The following NLGN1 variants were observed in gnomAD, a reference collection of about 807,000 sequenced individuals.
The protein encoded by NLGN1 is neuroligin-1.
In NLGN1, 12 loss-of-function variants were observed where a neutral mutation model predicts 65.5. That is an observed-to-expected ratio of 0.18 (90% confidence interval 0.12 to 0.30). The LOEUF (loss-of-function observed/expected upper bound fraction) is 0.30. Ranked by LOEUF, NLGN1 falls within the 10% of genes least tolerant of loss-of-function variation. NLGN1 has a pLI of 1.00. For missense variants in NLGN1, 750 were observed against 1,007.1 expected, an observed-to-expected ratio of 0.74 and a Z score of 3.46; for synonymous variants, 350 against 359.5, an observed-to-expected ratio of 0.97 and a Z score of 0.30.
At chr3:174,136,334 T>A (rs1488420855) in intron 4 of NLGN1, 1 of 152,118 alleles carries the variant, frequency 6.6e-6, no homozygotes, top group East Asian at 1.9e-4. Context: ...AATAAATACT[T>A]CAGCCTGTTT....
chr3:173,784,920 AC>A (rs1461963895), intron 3 of NLGN1, among the ~76,000 whole-genome samples: 1 of 152,232 alleles, frequency 6.6e-6, no homozygotes, highest in African/African-American at 2.4e-5. Flanking sequence ...TACACAGAAA[AC>A]AAAGTGAATG....
chr3:173,630,243 A>G (rs562930706), intron 3 of NLGN1, among the ~76,000 whole-genome samples: 1 of 152,284 alleles, frequency 6.6e-6, no homozygotes, highest in African/African-American at 2.4e-5. Context: ...AAGGGACAGA[A>G]TTAATATTTC....
intron 1 of NLGN1, among the ~76,000 whole-genome samples, chr3:173,407,382 A>G (rs1337557719): frequency 6.6e-6 from 1 of 152,138 alleles, no homozygotes; most frequent in Non-Finnish European, 1.5e-5. Flanking sequence ...CAGAGGAAAA[A>G]AATGATTTGC....
chr3:173,595,127 G>T (rs1749234030), intron 2 of NLGN1, among the ~76,000 whole-genome samples: 1 of 152,180 alleles, frequency 6.6e-6, no homozygotes, highest in Non-Finnish European at 1.5e-5. Flanking sequence ...TCTGCAGCTG[G>T]CTTGAATTTC....
chr3:174,158,096 T>C (rs1725793529), intron 4 of NLGN1, among the ~76,000 whole-genome samples: 1 of 151,792 alleles, frequency 6.6e-6, no homozygotes, highest in Non-Finnish European at 1.5e-5. Context: ...TAAATGACTT[T>C]AAGATCGGAC....
chr3:174,231,263 A>C (rs1385485242), intron 4 of NLGN1, among the ~76,000 whole-genome samples: 4 of 152,232 alleles, frequency 2.6e-5, no homozygotes, highest in African/African-American at 9.6e-5. Context: ...AGAGTCCCAG[A>C]AGCACAGGAA....
chr3:173,980,279 G>T (rs1560770286), intron 4 of NLGN1, among the ~76,000 whole-genome samples: 2 of 151,688 alleles, frequency 1.3e-5, no homozygotes, highest in African/African-American at 2.4e-5. Flanking sequence ...TTCTTTTTAA[G>T]TTTACTTCAT....
Position 173,502,099 on chromosome 3 carries a change from T to A in NLGN1, c.-321+67021T>A, listed in dbSNP as rs116551360. Among the ~76,000 whole-genome samples the A allele has an allele frequency of 9.0e-3, 1,375 of 152,216 alleles. 24 individuals are homozygous for A. Among genetic ancestry groups the A allele is most frequent in the African/African-American group, 0.032 (1,325 of 41,540 alleles). ...CTGTATGTTAAGTCACACTGTAATA[T>A]TTTTTTCCACAAATATTTTTACAAG... On this transcript the variant is annotated intron_variant, in intron 2 of 6. Transcript: ENST00000457714.
chr3:173,949,693 A>C lies in NLGN1; in HGVS notation c.646+141861A>C, dbSNP rs146880473. 5.5e-3 allele frequency among the ~76,000 whole-genome samples: 840 copies of C among 152,300 alleles called. 12 individuals are homozygous for C. The highest frequency in any genetic ancestry group is 0.019 in the African/African-American group (801 of 41,574). ...AGTATCTGTATAATATTATGTCAGA[A>C]AGTGAAACATGACACTGTCGTAATT... On this transcript the variant is annotated intron_variant, in intron 4 of 6. Coordinates refer to ENST00000457714, the Ensembl canonical transcript of NLGN1.
intron 4 of NLGN1, among the ~76,000 whole-genome samples, chr3:174,210,290 GT>G (rs1736216366): frequency 6.6e-6 from 1 of 152,120 alleles, no homozygotes; most frequent in Non-Finnish European, 1.5e-5. Flanking sequence ...CAGTGTATTT[GT>G]GTCTCCCCAT....
At chr3:174,237,450 G>A (rs73168498) in intron 4 of NLGN1, among the ~76,000 whole-genome samples, 2,100 of 152,284 alleles carry the variant, frequency 0.014, 23 homozygotes, top group Middle Eastern at 0.034. Flanking sequence ...TCAGTCAGCT[G>A]CAATTCACCT....
At chr3:173,693,599 A>G (rs1484318423) in intron 3 of NLGN1, among the ~76,000 whole-genome samples, 1 of 152,068 alleles carries the variant, frequency 6.6e-6, no homozygotes, top group African/African-American at 2.4e-5. Context: ...TTATATTGGC[A>G]TTCACTCTCC....
chr3:174,215,341 A>G (rs376147216), intron 4 of NLGN1, among the ~76,000 whole-genome samples: 131 of 152,344 alleles, frequency 8.6e-4, no homozygotes, highest in African/African-American at 3.1e-3. Context: ...TTGAGCACAC[A>G]GAGTGCCACT....
intron 3 of NLGN1, among the ~76,000 whole-genome samples, chr3:173,764,780 A>G (rs1778502576): frequency 6.6e-6 from 1 of 152,178 alleles, no homozygotes; most frequent in Admixed American, 6.5e-5. Flanking sequence ...AAACATAAAT[A>G]TAGAGCTCTC....
chr3:174,234,810 T>C (rs1387970946), intron 4 of NLGN1, among the ~76,000 whole-genome samples: 2 of 152,108 alleles, frequency 1.3e-5, no homozygotes, highest in Non-Finnish European at 2.9e-5. Context: ...CATTCAGTTA[T>C]GCTTTTAGCA....
intron 3 of NLGN1, among the ~76,000 whole-genome samples, chr3:173,761,635 C>T (rs1777986997): frequency 1.3e-5 from 2 of 152,008 alleles, no homozygotes; most frequent in South Asian, 2.1e-4. Flanking sequence ...TCAGGGGGCC[C>T]TCCATTTTAA....
chr3:174,197,006 G>A (rs1733550044), intron 4 of NLGN1, among the ~76,000 whole-genome samples: 1 of 152,162 alleles, frequency 6.6e-6, no homozygotes, highest in South Asian at 2.1e-4. Flanking sequence ...ATTTAATTTT[G>A]TCAATTTATA....
intron 3 of NLGN1, among the ~76,000 whole-genome samples, chr3:173,723,939 G>T (rs1771309792): frequency 6.6e-6 from 1 of 152,178 alleles, no homozygotes; most frequent in Non-Finnish European, 1.5e-5. Flanking sequence ...TTTGAAGATA[G>T]AAATGACAAG....
chr3:173,572,202 T>C (rs944258540), intron 2 of NLGN1, among the ~76,000 whole-genome samples: 2 of 152,198 alleles, frequency 1.3e-5, no homozygotes, highest in African/African-American at 4.8e-5. Context: ...AAGTGTGACC[T>C]AGCCCCAGCT....
Sources: allele counts gnomAD v4.1 joint callset (sites outside exome capture counted in the v4.1 genomes callset), GRCh38; gene constraint gnomAD v4.1.1; transcripts MANE v1.5; gene names NCBI Gene and HGNC (gene_info 2026-07-23, HGNC 2026-07-21).